Variants in DNAH5 observed in about 807,000 individuals in gnomAD.
DNAH5 encodes the protein axonemal beta dynein heavy chain 5.
A neutral mutation model predicts 518.2 loss-of-function variants in DNAH5; 372 were observed. The observed-to-expected ratio is 0.72, with a 90% confidence interval of 0.66 to 0.78. The LOEUF (loss-of-function observed/expected upper bound fraction) is 0.78. Among genes scored for constraint, DNAH5 ranks in the 30% least tolerant of loss-of-function variants. DNAH5 has a pLI of 0.00. For missense variants in DNAH5, 5,523 were observed against 5,687.0 expected (o/e 0.97, Z 0.93); for synonymous variants, 2,039 against 2,025.9 (o/e 1.01, Z -0.17).
chr5:13,859,392 T>C, intron 30 of DNAH5, 60 bp downstream of exon 30: 1 of 1,566,352 alleles, frequency 6.4e-7, no homozygotes, highest in Non-Finnish European at 8.8e-7. Context: ...TTTAAGGGGG[T>C]AATCGCTCTG....
chr5:13,879,674 A>T lies in DNAH5; in HGVS notation c.3263-2857T>A, dbSNP rs976242926. ...TGATGTAACTGAACACAAAAATTTA[A>T]TAGTTTCCACAGAAGACTAGATCAA... On this transcript the variant is annotated intron_variant, in intron 21 of 78. Transcript: ENST00000265104. Among the ~76,000 whole-genome samples the T allele has an allele frequency of 2.0e-5, 3 of 151,996 alleles. No homozygotes were observed. In the South Asian group the frequency reaches 6.2e-4, roughly 32 times the overall value.
intron 65 of DNAH5, among the ~76,000 whole-genome samples, chr5:13,746,645 T>C (rs1023790430): frequency 3.3e-5 from 5 of 152,142 alleles, no homozygotes; most frequent in Non-Finnish European, 7.4e-5. Context: ...AGGTAGGATA[T>C]GAAATATGGG....
chr5:13,948,317 TA>T (rs1294345436), upstream of DNAH5, among the ~76,000 whole-genome samples: 1 of 152,170 alleles, frequency 6.6e-6, no homozygotes, highest in Non-Finnish European at 1.5e-5. Context: ...GGGTGATGTT[TA>T]AAAGAGCTTC....
At position 13,884,574 on chromosome 5, in the gene DNAH5, C is replaced by T. The variant is rs191448315; in HGVS notation, c.2983+415G>A. The stretch of plus-strand genomic sequence containing the variant: ...GGATATGGCCAAGTGCGGTGGCTCA[C>T]GCCTGTAATCCCAACACTTTGGGAG... On this transcript the variant is annotated intron_variant, in intron 19 of 78. Transcript: ENST00000265104. Among the ~76,000 whole-genome samples the T allele has an allele frequency of 1.7e-3, 255 of 152,350 alleles. 2 individuals carry two copies. Among genetic ancestry groups the T allele is most frequent in the African/African-American group, 5.7e-3 (237 of 41,590 alleles).
chr5:13,854,317 G>C (rs1767295939), intron 30 of DNAH5, among the ~76,000 whole-genome samples: 1 of 152,202 alleles, frequency 6.6e-6, no homozygotes, highest in Admixed American at 6.5e-5. Context: ...ACAAGCAAGT[G>C]ATGAGGGACT....
intron 70 of DNAH5, among the ~76,000 whole-genome samples, chr5:13,722,599 CA>C (rs1745201244): frequency 6.6e-6 from 1 of 152,186 alleles, no homozygotes; most frequent in Non-Finnish European, 1.5e-5. Flanking sequence ...ACTTCTCAAA[CA>C]AGCTTCATCA....
chr5:13,847,723 CAAA>C (rs754243517), intron 31 of DNAH5, among the ~76,000 whole-genome samples: 5 of 92,164 alleles, frequency 5.4e-5, no homozygotes, highest in African/African-American at 8.5e-5. Flanking sequence ...GACCTCATCT[CAAA>C]AAAAAAAAAA....
chr5:13,898,357 T>C (rs1485270681), intron 15 of DNAH5: 5 of 389,992 alleles, frequency 1.3e-5, no homozygotes, highest in Non-Finnish European at 2.3e-5. Context: ...TATAGTTTCT[T>C]AGTAAAAATA....
intron 1 of DNAH5, among the ~76,000 whole-genome samples, chr5:13,941,596 GTTCT>G (rs1337863830): frequency 1.3e-5 from 2 of 152,152 alleles, no homozygotes; most frequent in African/African-American, 4.8e-5. Flanking sequence ...GAGAGCAAAG[GTTCT>G]TTCTGTCTTG....
intron 65 of DNAH5, among the ~76,000 whole-genome samples, chr5:13,738,087 T>A (rs1374588256): frequency 1.5e-5 from 2 of 132,598 alleles, no homozygotes; most frequent in African/African-American, 2.8e-5. Context: ...AATAAAATGT[T>A]AAAAAAAAAA....
chr5:13,877,290 T>A (rs1001066970), intron 21 of DNAH5, among the ~76,000 whole-genome samples: 10 of 152,246 alleles, frequency 6.6e-5, no homozygotes, highest in Admixed American at 6.5e-4. Flanking sequence ...GTTCAAACAG[T>A]TTATTTTTAT....
intron 76 of DNAH5, 46 bp downstream of exon 76, chr5:13,708,077 C>T: frequency 1.4e-5 from 23 of 1,595,676 alleles, no homozygotes; most frequent in Non-Finnish European, 2.0e-5. Context: ...TACAACTCTT[C>T]ACAATCATAA....
chr5:13,838,261 C>T (rs1453979329), intron 35 of DNAH5, among the ~76,000 whole-genome samples: 1 of 152,166 alleles, frequency 6.6e-6, no homozygotes, highest in East Asian at 1.9e-4. Context: ...GGGTCCCCAG[C>T]CCCCAGGCCA....
chr5:13,757,808 T>C (rs919022878), intron 61 of DNAH5, among the ~76,000 whole-genome samples: 1 of 152,204 alleles, frequency 6.6e-6, no homozygotes, highest in Non-Finnish European at 1.5e-5. Flanking sequence ...GTGGAAGACT[T>C]ATCTTTAAGA....
intron 5 of DNAH5, among the ~76,000 whole-genome samples, chr5:13,921,389 G>C (rs1176706252): frequency 4.0e-5 from 6 of 149,312 alleles, no homozygotes; most frequent in African/African-American, 1.2e-4. Flanking sequence ...TCTGGGCTCT[G>C]TCATCTCTCT....
At chr5:13,717,806 G>A (rs938518066) in intron 72 of DNAH5, among the ~76,000 whole-genome samples, 3 of 151,898 alleles carry the variant, frequency 2.0e-5, no homozygotes, top group Non-Finnish European at 2.9e-5. Context: ...AAGCTGGAAG[G>A]GTAACGACAG....
At chr5:13,920,743 TC>T in intron 5 of DNAH5, 126 bp from the exon 6 acceptor site, 1 of 911,414 alleles carries the variant, frequency 1.1e-6, no homozygotes, top group Non-Finnish European at 1.8e-6. Flanking sequence ...AGCACATACC[TC>T]CTCTCCACTC....
Position 13,832,908 on chromosome 5 carries a change from C to A in DNAH5, c.5883-2133G>T, listed in dbSNP as rs367858325. Among the ~76,000 whole-genome samples, 435 of 152,312 alleles carry A rather than the reference C, an allele frequency of 2.9e-3. 3 individuals carry two copies. Among genetic ancestry groups the A allele is most frequent in the African/African-American group, 0.01 (421 of 41,564 alleles). The stretch of plus-strand genomic sequence containing the variant: ...AACCAAATCTATCACCAGCATTCAT[C>A]GTAACTATTCATAGCACTGTCAGTG... On this transcript the variant is annotated intron_variant, in intron 35 of 78. Coordinates refer to ENST00000265104, the MANE Select transcript of DNAH5 (RefSeq NM_001369.3).
At chr5:13,744,850 T>C (rs1045566330) in intron 65 of DNAH5, among the ~76,000 whole-genome samples, 8 of 152,066 alleles carry the variant, frequency 5.3e-5, no homozygotes, top group South Asian at 2.1e-4. Flanking sequence ...ACAGCCTCCA[T>C]TACCAAATAT....
Sources: gnomAD v4.1 joint callset for allele counts (sites outside exome capture counted in the v4.1 genomes callset) on GRCh38, gnomAD v4.1.1 for gene constraint, MANE v1.5 for transcripts, NCBI Gene and HGNC (gene_info 2026-07-23, HGNC 2026-07-21) for gene names.